MARF1: variants seen among roughly 807,000 people sequenced by gnomAD.
The protein encoded by MARF1 is meiosis regulator and mRNA stability factor 1.
A neutral mutation model predicts 168.2 loss-of-function variants in MARF1; 24 were observed. The ratio of observed to expected loss-of-function variants is 0.14; its 90% CI spans 0.10 to 0.20. MARF1 has a LOEUF of 0.20. MARF1 is among the 10% of genes least tolerant of loss of function. The pLI, the probability that MARF1 is intolerant of heterozygous loss-of-function variation, is 1.00. For synonymous variants in MARF1, 868 were observed against 822.4 expected, an observed-to-expected ratio of 1.06 and a Z score of -0.95; for missense variants, 1,744 against 2,143.6, an observed-to-expected ratio of 0.81 and a Z score of 3.68.
chr16:15,610,848 A>C (rs2033468961), intron 19 of MARF1, 127 bp downstream of exon 19: 1 of 889,872 alleles, frequency 1.1e-6, no homozygotes, highest in Admixed American at 2.2e-5. Context: ...AGCAGTTTTC[A>C]CACTGTGCTT....
intron 26 of MARF1, among the ~76,000 whole-genome samples, chr16:15,597,322 G>A (rs991116094): frequency 3.3e-4 from 50 of 152,256 alleles, no homozygotes; most frequent in Admixed American, 1.3e-4. Flanking sequence ...GCCGTGGGTG[G>A]TAGGGGGTGG....
At chr16:15,603,564 C>A (rs1462437790) in intron 22 of MARF1, among the ~76,000 whole-genome samples, 1 of 152,234 alleles carries the variant, frequency 6.6e-6, no homozygotes, top group South Asian at 2.1e-4. Context: ...ATGCCTTTTT[C>A]ACTGGTATAT....
At chr16:15,607,775 T>C (rs2033141109) in intron 21 of MARF1, among the ~76,000 whole-genome samples, 1 of 152,166 alleles carries the variant, frequency 6.6e-6, no homozygotes, top group Admixed American at 6.5e-5. Flanking sequence ...AAGGGTCAAG[T>C]GCAGTCCAGG....
chr16:15,635,392 GAAGGCT>G (rs1478186221), intron 3 of MARF1: 11 of 489,314 alleles, frequency 2.2e-5, no homozygotes, highest in African/African-American at 2.1e-4. Context: ...CATAGAACAC[GAAGGCT>G]TTGCCAACCT....
intron 25 of MARF1, among the ~76,000 whole-genome samples, chr16:15,599,339 G>A (rs1208329725): frequency 6.6e-6 from 1 of 152,096 alleles, no homozygotes; most frequent in African/African-American, 2.4e-5. Context: ...AGCCTGAGAC[G>A]GGGTGTACGT....
chr16:15,616,876 T>G, intron 15 of MARF1, 176 bp downstream of exon 15: 1 of 768,240 alleles, frequency 1.3e-6, no homozygotes, highest in Non-Finnish European at 2.1e-6. Flanking sequence ...ATACAGTCCA[T>G]GGTTGGCCAA....
intron 4 of MARF1, 115 bp downstream of exon 4, chr16:15,634,642 A>C (rs2035467120): frequency 5.0e-6 from 5 of 1,003,470 alleles, no homozygotes; most frequent in Non-Finnish European, 7.3e-6. Flanking sequence ...GGAGACTCAC[A>C]TACACAGTAG....
At chr16:15,602,825 G>C (rs914578189) in intron 22 of MARF1, 5 of 314,374 alleles carry the variant, frequency 1.6e-5, no homozygotes, top group East Asian at 1.7e-4. Context: ...GTGAACACTG[G>C]GGCCATTAAA....
intron 13 of MARF1, among the ~76,000 whole-genome samples, chr16:15,619,917 A>C (rs1162302382): frequency 1.3e-5 from 2 of 152,224 alleles, no homozygotes; most frequent in Non-Finnish European, 2.9e-5. Flanking sequence ...TAATCCTAGC[A>C]CTTTGGGAGG....
chr16:15,613,661 C>CAATAAATAAATAAATAAATAAATA lies in MARF1; in HGVS notation c.3254-908_3254-885dup, dbSNP rs59529278. Among the ~76,000 whole-genome samples, 415 of 126,632 alleles carry CAATAAATAAATAAATAAATAAATA rather than the reference C, an allele frequency of 3.3e-3. 1 individual carries two copies. The highest frequency in any genetic ancestry group is 4.7e-3 in the East Asian group (22 of 4,672). The allele number at this position is 126,632 out of a possible 152,430, so 83.1% of individuals were successfully genotyped here. A position where few individuals can be genotyped will look rare whatever the true frequency, so the allele number is the denominator to read the frequency against. Reference sequence around the variant, plus strand: ...TGGGACACAGAGCGAGATTCCGTCTCAATAAATAAATAAATAAATAAATAA... The same window carrying CAATAAATAAATAAATAAATAAATA: ...TGGGACACAGAGCGAGATTCCGTCTCAATAAATAAATAAATAAATAAATAAATAAATAAATAAATAAATAAATAA... On this transcript the variant is annotated intron_variant, in intron 16 of 26. Coordinates refer to ENST00000396368, the MANE Select transcript of MARF1 (RefSeq NM_014647.4).
At chr16:15,605,943 C>G (rs1410907788) in intron 21 of MARF1, 2 of 152,180 alleles carry the variant, frequency 1.3e-5, no homozygotes, top group African/African-American at 4.8e-5. Context: ...GGACCTGTCC[C>G]ACACCACAGC....
At position 15,635,806 on chromosome 16, in the gene MARF1, A is replaced by G. The variant is rs1221560327; in HGVS notation, c.681T>C (p.Ser227=). 2 of 1,614,128 alleles carry G rather than the reference A, an allele frequency of 1.2e-6. No individual in the cohort carries two copies. Among genetic ancestry groups the G allele is most frequent in the South Asian group, 1.1e-5 (1 of 91,092 alleles). Residue 227 remains serine (S), a synonymous_variant, in exon 3 of 27, where the codon TCT becomes TCC. Coordinates refer to ENST00000396368, the MANE Select transcript of MARF1 (RefSeq NM_014647.4). ...GCCCTGGAGCCCCGCTTGTGAAATC[A>G]GAACAGGGGAAATAGCCAGCGGAGG... ...GCTSAGYFPC[S]DFTSGAPGHL...
intron 2 of MARF1, 69 bp from the exon 3 acceptor site, chr16:15,636,411 A>C: frequency 9.1e-7 from 1 of 1,101,432 alleles, no homozygotes; most frequent in Non-Finnish European, 1.3e-6. Flanking sequence ...CTCATATCTT[A>C]CTGCATGCAC....
At chr16:15,598,143 C>T (rs1172551310) in intron 26 of MARF1, among the ~76,000 whole-genome samples, 3 of 152,168 alleles carry the variant, frequency 2.0e-5, no homozygotes, top group Non-Finnish European at 2.9e-5. Flanking sequence ...CAGGAGACAC[C>T]GCAGGACAAG....
At chr16:15,602,860 A>G (rs1395229873) in intron 22 of MARF1, 1 of 298,774 alleles carries the variant, frequency 3.3e-6, no homozygotes. Flanking sequence ...CAGTTTTCCA[A>G]GAAACACTGT....
At chr16:15,623,643 CTAATTACCGCCAACCAAT>C (rs1210855313) in intron 10 of MARF1, among the ~76,000 whole-genome samples, 2 of 152,090 alleles carry the variant, frequency 1.3e-5, no homozygotes, top group Non-Finnish European at 2.9e-5. Flanking sequence ...CTACTGACCC[CTAATTACCGCCAACCAAT>C]TAATATATAT....
chr16:15,614,370 C>A (rs375575742), intron 16 of MARF1, among the ~76,000 whole-genome samples: 1 of 146,720 alleles, frequency 6.8e-6, no homozygotes, highest in South Asian at 2.1e-4. Flanking sequence ...GTAGTCCCAG[C>A]TACTCGGGAG....
At chr16:15,641,853 A>C (rs1296547896) in intron 1 of MARF1, among the ~76,000 whole-genome samples, 1 of 152,206 alleles carries the variant, frequency 6.6e-6, no homozygotes, top group African/African-American at 2.4e-5. Flanking sequence ...CACCCTGAAA[A>C]CTTCCCAAAT....
At chr16:15,604,806 C>CA (rs1415642766) in intron 21 of MARF1, among the ~76,000 whole-genome samples, 6 of 152,118 alleles carry the variant, frequency 3.9e-5, no homozygotes, top group Non-Finnish European at 8.8e-5. Flanking sequence ...AGACTCTAAG[C>CA]AACACTCACA....
Sources: allele counts gnomAD v4.1 joint callset (sites outside exome capture counted in the v4.1 genomes callset), GRCh38; gene constraint gnomAD v4.1.1; transcripts MANE v1.5; gene names NCBI Gene and HGNC (gene_info 2026-07-23, HGNC 2026-07-21).